GALNTL6: variants seen among roughly 807,000 people sequenced by gnomAD.
The protein encoded by GALNTL6 is polypeptide N-acetylgalactosaminyltransferase like 6.
Under a neutral mutation model 73.7 loss-of-function variants are expected in GALNTL6, and 46 were observed. That is an observed-to-expected ratio of 0.62 (90% CI 0.49 to 0.80). The LOEUF is 0.80. Ranked by LOEUF, GALNTL6 falls within the 30% of genes least tolerant of loss-of-function variation. GALNTL6 has a pLI of 0.00. For missense variants in GALNTL6, 604 were observed against 755.0 expected (o/e 0.80, Z 2.34); for synonymous variants, 259 against 263.7 (o/e 0.98, Z 0.17).
chr4:172,024,430 T>C (rs1344813662), intron 2 of GALNTL6, among the ~76,000 whole-genome samples: 1 of 151,856 alleles, frequency 6.6e-6, no homozygotes, highest in East Asian at 1.9e-4. Context: ...TTTAAGTGAT[T>C]CTCTATATAA....
intron 10 of GALNTL6, among the ~76,000 whole-genome samples, chr4:172,998,907 T>A (rs375643166): frequency 8.6e-5 from 13 of 152,000 alleles, no homozygotes; most frequent in Admixed American, 7.2e-4. Context: ...TTTCAATTCT[T>A]ACTCATACGT....
chr4:172,870,274 CCAGA>C (rs1744860162), intron 7 of GALNTL6, among the ~76,000 whole-genome samples: 1 of 151,736 alleles, frequency 6.6e-6, no homozygotes, highest in Admixed American at 6.6e-5. Context: ...AGTATGTTGC[CCAGA>C]CAGATTTTGA....
chr4:172,559,081 T>TTC (rs1736251508), intron 5 of GALNTL6, among the ~76,000 whole-genome samples: 9 of 141,204 alleles, frequency 6.4e-5, no homozygotes, highest in Non-Finnish European at 1.5e-5. Context: ...TTTTTTTTTT[T>TTC]TTTGAGACAG....
intron 5 of GALNTL6, among the ~76,000 whole-genome samples, chr4:172,558,631 T>C (rs1417126543): frequency 6.6e-6 from 1 of 152,180 alleles, no homozygotes; most frequent in Admixed American, 6.5e-5. Flanking sequence ...AGGTAATACA[T>C]TTATGTTGTT....
intron 3 of GALNTL6, among the ~76,000 whole-genome samples, chr4:172,272,582 T>G (rs1454393238): frequency 1.3e-5 from 2 of 152,158 alleles, no homozygotes; most frequent in Non-Finnish European, 2.9e-5. Context: ...ATGGGACCAC[T>G]GTTGTCTGTG....
intron 12 of GALNTL6, among the ~76,000 whole-genome samples, chr4:173,035,991 C>T (rs1334505476): frequency 6.6e-6 from 1 of 152,076 alleles, no homozygotes. Flanking sequence ...GGACACTATG[C>T]CAGTGATTTT....
intron 8 of GALNTL6, among the ~76,000 whole-genome samples, chr4:172,909,252 A>G (rs1242450421): frequency 2.0e-5 from 3 of 151,858 alleles, no homozygotes; most frequent in East Asian, 1.9e-4. Context: ...GACAAAAAAT[A>G]TAATTACAAA....
intron 2 of GALNTL6, among the ~76,000 whole-genome samples, chr4:171,946,912 TC>T (rs5864099): frequency 0.72 from 109,735 of 151,662 alleles, 40,772 homozygotes; most frequent in Admixed American, 0.83. Context: ...TTTACTAAGT[TC>T]CGGGGGGTAC....
chr4:172,577,017 G>A (rs967176224), intron 5 of GALNTL6, among the ~76,000 whole-genome samples: 1 of 152,022 alleles, frequency 6.6e-6, no homozygotes, highest in African/African-American at 2.4e-5. Flanking sequence ...CCTGCCAAAC[G>A]GTCTCCACCT....
chr4:172,432,956 T>C (rs1347589199), intron 5 of GALNTL6, among the ~76,000 whole-genome samples: 2 of 152,190 alleles, frequency 1.3e-5, no homozygotes, highest in East Asian at 1.9e-4. Flanking sequence ...TAAATTCATT[T>C]TGAGTCAACA....
At chr4:172,179,363 T>G (rs1388636311) in intron 2 of GALNTL6, among the ~76,000 whole-genome samples, 1 of 146,032 alleles carries the variant, frequency 6.8e-6, no homozygotes, top group East Asian at 2.0e-4. Flanking sequence ...TGGTGTGAGA[T>G]GGTATCTCAT....
chr4:172,456,582 A>G (rs1242643604), intron 5 of GALNTL6, among the ~76,000 whole-genome samples: 2 of 151,828 alleles, frequency 1.3e-5, no homozygotes, highest in Middle Eastern at 3.2e-3. Flanking sequence ...CAAATCGATC[A>G]AGCAGAAGAA....
At chr4:172,769,941 G>T (rs1738665180) in intron 5 of GALNTL6, among the ~76,000 whole-genome samples, 1 of 152,170 alleles carries the variant, frequency 6.6e-6, no homozygotes, top group South Asian at 2.1e-4. Flanking sequence ...CCTGCATAAT[G>T]TATGCTCATA....
chr4:172,940,968 G>A (rs1033682950), intron 9 of GALNTL6, among the ~76,000 whole-genome samples: 3 of 152,172 alleles, frequency 2.0e-5, no homozygotes, highest in African/African-American at 4.8e-5. Flanking sequence ...AAGCCACCAT[G>A]TACAGCCTCA....
chr4:172,245,110 C>A (rs1371245405), intron 3 of GALNTL6, among the ~76,000 whole-genome samples: 3 of 152,104 alleles, frequency 2.0e-5, no homozygotes, highest in Non-Finnish European at 2.9e-5. Flanking sequence ...TTATTGAGTA[C>A]ACTAAGATTA....
chr4:172,809,610 T>C lies in GALNTL6; in HGVS notation c.739+64T>C, dbSNP rs868562738. 3 of 1,369,404 alleles carry C rather than the reference T, an allele frequency of 2.2e-6. No homozygotes were observed. The highest frequency in any genetic ancestry group is 2.6e-4 in the Middle Eastern group (1 of 3,904). The allele number at this position is 1,369,404 out of a possible 1,614,324, so 84.8% of individuals were successfully genotyped here. A position where few individuals can be genotyped will look rare whatever the true frequency, so the allele number is the denominator to read the frequency against. On this transcript the variant is annotated intron_variant, in intron 6 of 12. Transcript: ENST00000506823. This position sits in a 1 kb window ranked among gnomAD's most constrained non-coding sequence, Gnocchi z 4.4. ...AGGGGAACTGAGCGGTTTGCTTCTA[T>C]TTAGTTTGCAATCAGCAAACACTAG...
chr4:172,630,727 T>C lies in GALNTL6; in HGVS notation c.554-178634T>C, dbSNP rs538187253. On this transcript the variant is annotated intron_variant, in intron 5 of 12. Coordinates refer to ENST00000506823, the MANE Select transcript of GALNTL6 (RefSeq NM_001034845.3). ...ACTCAACATATATATATATAATACA[T>C]ATATAAATAACGTATATGCATTTCC... Among the ~76,000 whole-genome samples, 8 of 151,086 alleles carry C rather than the reference T, an allele frequency of 5.3e-5. No individual in the cohort carries two copies. In the South Asian group the frequency reaches 1.7e-3, roughly 32 times the overall value.
At chr4:172,899,213 C>T (rs143138592) in intron 8 of GALNTL6, among the ~76,000 whole-genome samples, 2 of 152,228 alleles carry the variant, frequency 1.3e-5, no homozygotes, top group East Asian at 3.9e-4. Context: ...TGCTACACAA[C>T]GTGTTAAGAG....
chr4:172,528,929 CAG>C (rs1375692788), intron 5 of GALNTL6, among the ~76,000 whole-genome samples: 16 of 45,642 alleles, frequency 3.5e-4, no homozygotes, highest in African/African-American at 9.3e-4. Flanking sequence ...GAAACTGCTT[CAG>C]AGACTTTGTT....
Sources: gnomAD v4.1 joint callset for allele counts (sites outside exome capture counted in the v4.1 genomes callset) on GRCh38, gnomAD v4.1.1 for gene constraint, Gnocchi (gnomAD v3.1) non-coding constraint, MANE v1.5 for transcripts, NCBI Gene and HGNC (gene_info 2026-07-23, HGNC 2026-07-21) for gene names.